COL11A1: variants seen among roughly 807,000 people sequenced by gnomAD.
The protein encoded by COL11A1 is collagen alpha-1(XI) chain.
A neutral mutation model predicts 265.2 loss-of-function variants in COL11A1; 74 were observed. The ratio of observed to expected loss-of-function variants is 0.28; its 90% CI spans 0.23 to 0.34. COL11A1 has a LOEUF of 0.34. COL11A1 is among the 10% of genes least tolerant of loss of function. COL11A1 has a pLI of 1.00. For synonymous variants in COL11A1, 816 were observed against 727.6 expected (o/e 1.12, Z -1.96); for missense variants, 2,165 against 2,263.6 (o/e 0.96, Z 0.88).
At chr1:102,986,707 C>T (rs890093097) in intron 30 of COL11A1, among the ~76,000 whole-genome samples, 1 of 151,846 alleles carries the variant, frequency 6.6e-6, no homozygotes, top group African/African-American at 2.4e-5. Context: ...TCTTGCTTGT[C>T]ATCATAGACA....
intron 4 of COL11A1, among the ~76,000 whole-genome samples, chr1:103,032,827 AAC>A (rs1367742579): frequency 1.3e-5 from 2 of 152,144 alleles, no homozygotes; most frequent in African/African-American, 4.8e-5. Flanking sequence ...CTTTAAAAAT[AAC>A]AGTTATTGAG....
chr1:103,027,673 A>C lies in COL11A1; in HGVS notation c.781-1341T>G, dbSNP rs1320582480. 2.6e-5 allele frequency among the ~76,000 whole-genome samples: 4 copies of C among 152,012 alleles called. No homozygotes were observed. In the East Asian group the frequency reaches 7.8e-4, roughly 30 times the overall value. On this transcript the variant is annotated intron_variant, in intron 5 of 66. Coordinates refer to ENST00000370096, the MANE Select transcript of COL11A1 (RefSeq NM_001854.4). Reference sequence around the variant, plus strand: ...ACTGTTGACCACAAATGTTTTAGAAAATTGTGATCACAGTGCCTTCTAATA... The same window carrying C: ...ACTGTTGACCACAAATGTTTTAGAACATTGTGATCACAGTGCCTTCTAATA...
Position 102,877,136 on chromosome 1 carries a change from T to G in COL11A1, c.*883A>C, listed in dbSNP as rs1649593161. 1 of 152,602 alleles carries G rather than the reference T, an allele frequency of 6.6e-6. No homozygotes were observed. Among genetic ancestry groups the G allele is most frequent in the Non-Finnish European group, 1.5e-5 (1 of 68,012 alleles). The allele number at this position is 152,602 out of a possible 1,614,324, so 9.5% of individuals were successfully genotyped here. A position where few individuals can be genotyped will look rare whatever the true frequency, so the allele number is the denominator to read the frequency against. ...GAAAAAAAGTATACATATGATTGTT[T>G]GCTTGACGGAGGCATTGATTTGTTA... On this transcript the variant is annotated 3_prime_UTR_variant, in exon 67 of 67. Transcript: ENST00000370096.
At chr1:103,046,365 A>G (rs61816508) in intron 4 of COL11A1, among the ~76,000 whole-genome samples, 19,176 of 146,882 alleles carry the variant, frequency 0.13, 1,366 homozygotes, top group African/African-American at 0.14. Flanking sequence ...GTGATTATGA[A>G]CATTTTTTCA....
intron 1 of COL11A1, chr1:103,100,729 C>T (rs891822173): frequency 1.3e-5 from 2 of 151,974 alleles, no homozygotes; most frequent in African/African-American, 2.4e-5. Flanking sequence ...GAACACCCAG[C>T]AAAGTCAACA....
At chr1:102,989,762 A>G (rs138712421) in intron 28 of COL11A1, among the ~76,000 whole-genome samples, 191 bp from the exon 29 acceptor site, 2 of 152,044 alleles carry the variant, frequency 1.3e-5, no homozygotes, top group African/African-American at 4.8e-5. Context: ...ATCATCTCAT[A>G]TTTTCACATT....
chr1:103,030,851 C>G (rs1365751405), intron 5 of COL11A1: 1 of 414,592 alleles, frequency 2.4e-6, no homozygotes, highest in Non-Finnish European at 4.5e-6. Flanking sequence ...TCTTCTCACC[C>G]CCTCCAAAAT....
chr1:102,884,512 G>A (rs923488037), intron 63 of COL11A1: 2 of 152,194 alleles, frequency 1.3e-5, no homozygotes, highest in Admixed American at 1.3e-4. Flanking sequence ...ACGATCTCAG[G>A]AGGTGGGCTA....
intron 4 of COL11A1, among the ~76,000 whole-genome samples, chr1:103,037,252 T>TTGTGTGTG (rs10582908): frequency 0.015 from 2,221 of 145,188 alleles, 55 homozygotes; most frequent in African/African-American, 0.052. Context: ...TACATTTAGA[T>TTGTGTGTG]TGTGTGTGTG....
At chr1:102,933,612 C>T (rs950880185) in intron 46 of COL11A1, among the ~76,000 whole-genome samples, 13 of 152,186 alleles carry the variant, frequency 8.5e-5, no homozygotes, top group Admixed American at 2.6e-4. Flanking sequence ...CTGTGGTGGG[C>T]TCCACCCAGC....
chr1:102,878,693 T>C (rs1649850880), intron 66 of COL11A1, among the ~76,000 whole-genome samples: 1 of 151,062 alleles, frequency 6.6e-6, no homozygotes, highest in African/African-American at 2.4e-5. Flanking sequence ...GTATTTTTAG[T>C]AGATGAGGTT....
intron 2 of COL11A1, among the ~76,000 whole-genome samples, chr1:103,082,406 A>G (rs1185798064): frequency 6.6e-6 from 1 of 152,080 alleles, no homozygotes; most frequent in African/African-American, 2.4e-5. Flanking sequence ...TTAGAAAGTC[A>G]TTAAGGGGAA....
chr1:102,987,253 G>GATATAT (rs36080080), intron 30 of COL11A1, among the ~76,000 whole-genome samples: 3 of 149,448 alleles, frequency 2.0e-5, no homozygotes, highest in Non-Finnish European at 4.5e-5. Context: ...ATACATGTAG[G>GATATAT]ATATATATAT....
chr1:102,971,643 C>A (rs1468402005), intron 36 of COL11A1, among the ~76,000 whole-genome samples: 2 of 152,014 alleles, frequency 1.3e-5, no homozygotes, highest in Non-Finnish European at 2.9e-5. Flanking sequence ...AAATAGCTTT[C>A]TTCCAACTGA....
At chr1:103,013,968 A>G (rs1055975339) in intron 13 of COL11A1, among the ~76,000 whole-genome samples, 1 of 152,044 alleles carries the variant, frequency 6.6e-6, no homozygotes, top group Non-Finnish European at 1.5e-5. Context: ...TTTAAACTAA[A>G]AAACATAAAT....
chr1:103,026,391 AAGTG>A, intron 5 of COL11A1, 59 bp from the exon 6 acceptor site: 2 of 1,054,114 alleles, frequency 1.9e-6, no homozygotes, highest in Non-Finnish European at 3.0e-6. Flanking sequence ...ACTATTCACA[AAGTG>A]AGAACCATCT....
chr1:102,889,829 T>C (rs1651519098), intron 58 of COL11A1, among the ~76,000 whole-genome samples: 1 of 152,124 alleles, frequency 6.6e-6, no homozygotes, highest in African/African-American at 2.4e-5. Flanking sequence ...AATATCATTT[T>C]AAGTGTTCCA....
chr1:102,903,770 C>G (rs1246549761), intron 54 of COL11A1, among the ~76,000 whole-genome samples: 1 of 152,120 alleles, frequency 6.6e-6, no homozygotes, highest in African/African-American at 2.4e-5. Context: ...TGCATTATAC[C>G]CCTCTATGAT....
At chr1:103,066,553 A>ACC (rs1671164625) in intron 4 of COL11A1, among the ~76,000 whole-genome samples, 1 of 145,282 alleles carries the variant, frequency 6.9e-6, no homozygotes, top group Non-Finnish European at 1.5e-5. Context: ...AACCCTCAGC[A>ACC]CCAAAAAAAA....
Sources: gnomAD v4.1 joint callset for allele counts (sites outside exome capture counted in the v4.1 genomes callset) on GRCh38, gnomAD v4.1.1 for gene constraint, MANE v1.5 for transcripts, NCBI Gene and HGNC (gene_info 2026-07-23, HGNC 2026-07-21) for gene names.